UBA2: variants seen among roughly 807,000 people sequenced by gnomAD.
UBA2 encodes ubiquitin like modifier activating enzyme 2, also known as SUMO-activating enzyme subunit 2.
Under a neutral mutation model 77.2 loss-of-function variants are expected in UBA2, and 11 were observed. The ratio of observed to expected loss-of-function variants is 0.14; its 90% CI spans 0.09 to 0.24. UBA2 has a LOEUF of 0.24. UBA2 is among the 10% of genes least tolerant of loss of function. The pLI, the probability that UBA2 is intolerant of heterozygous loss-of-function variation, is 1.00. For synonymous variants in UBA2, 278 were observed against 276.7 expected (o/e 1.00, Z -0.05); for missense variants, 487 against 781.7 (o/e 0.62, Z 4.50).
intron 1 of UBA2, chr19:34,428,808 C>T (rs2075218051): frequency 1.7e-6 from 2 of 1,150,316 alleles, no homozygotes; most frequent in Non-Finnish European, 2.1e-6. Flanking sequence ...GGCCGCGGGC[C>T]CCCGCCTCCC....
At chr19:34,440,162 A>G (rs1296391773) in intron 6 of UBA2, among the ~76,000 whole-genome samples, 2 of 152,072 alleles carry the variant, frequency 1.3e-5, no homozygotes, top group Non-Finnish European at 2.9e-5. Context: ...CGTCTCTACT[A>G]TAAATACAAA....
chr19:34,451,352 C>T (rs1599916407), intron 9 of UBA2, among the ~76,000 whole-genome samples: 1 of 151,994 alleles, frequency 6.6e-6, no homozygotes, highest in Non-Finnish European at 1.5e-5. Context: ...TCTCAACAAT[C>T]AGGGATAGTT....
chr19:34,458,158 C>T (rs949219587), intron 12 of UBA2, among the ~76,000 whole-genome samples: 1 of 152,112 alleles, frequency 6.6e-6, no homozygotes, highest in Admixed American at 6.5e-5. Context: ...ATGCCTGTGC[C>T]CTTACTCTTG....
intron 5 of UBA2, among the ~76,000 whole-genome samples, chr19:34,437,150 T>G (rs117841319): frequency 6.6e-6 from 1 of 151,802 alleles, no homozygotes; most frequent in Admixed American, 6.6e-5. Context: ...TTGGTAGAGA[T>G]GAGGTTTTGC....
intron 12 of UBA2, among the ~76,000 whole-genome samples, chr19:34,458,518 G>T (rs373266979): frequency 8.2e-6 from 1 of 122,564 alleles, no homozygotes; most frequent in African/African-American, 3.2e-5. Context: ...CCGAGATTGC[G>T]CCACTGCACT....
At chr19:34,453,519 T>C (rs1191032407) in intron 10 of UBA2, among the ~76,000 whole-genome samples, 1 of 139,932 alleles carries the variant, frequency 7.1e-6, no homozygotes, top group Non-Finnish European at 1.6e-5. Flanking sequence ...TGAAACAGCT[T>C]TTTTTTTTTT....
At chr19:34,456,580 T>C (rs1447037135) in intron 12 of UBA2, among the ~76,000 whole-genome samples, 1 of 151,966 alleles carries the variant, frequency 6.6e-6, no homozygotes, top group Non-Finnish European at 1.5e-5. Context: ...TTTTTTGAGA[T>C]GGAGTCTTGC....
At chr19:34,466,750 TAA>T in intron 15 of UBA2, 126 bp from the exon 16 acceptor site, 3 of 656,176 alleles carry the variant, frequency 4.6e-6, no homozygotes, top group Non-Finnish European at 6.9e-6. Context: ...AAATAAAAAT[TAA>T]AAAAAAAATT....
At chr19:34,442,888 T>C (rs953199630) in intron 6 of UBA2, among the ~76,000 whole-genome samples, 5 of 152,196 alleles carry the variant, frequency 3.3e-5, no homozygotes, top group African/African-American at 9.6e-5. Flanking sequence ...GGAGTGACTA[T>C]CAGAGCTTTG....
rs766043321 is a variant in UBA2, at chr19:34,457,179, AATATATATAT to A, written c.1246-1564_1246-1555del. ...CCTGGTCTCTACTAAAAAAAAAAAAAATATATATATATATATATATATATATATATATATA... is the reference window on the plus strand; with the variant it reads ...CCTGGTCTCTACTAAAAAAAAAAAAAATATATATATATATATATATATATA... On this transcript the variant is annotated intron_variant, in intron 12 of 16. Transcript: ENST00000246548. Among the ~76,000 whole-genome samples the A allele has an allele frequency of 1.7e-4, 9 of 53,226 alleles. 1 individual carries two copies. Among genetic ancestry groups the A allele is most frequent in the East Asian group, 1.3e-3 (1 of 752 alleles). The allele number at this position is 53,226 out of a possible 152,430, so 34.9% of individuals were successfully genotyped here.
chr19:34,466,266 G>T (rs931162639), intron 15 of UBA2, among the ~76,000 whole-genome samples: 2 of 152,092 alleles, frequency 1.3e-5, no homozygotes, highest in Non-Finnish European at 2.9e-5. Context: ...AACCTGGGAG[G>T]TAGAGGTTGC....
intron 12 of UBA2, among the ~76,000 whole-genome samples, chr19:34,456,356 C>T (rs1199253173): frequency 1.3e-5 from 2 of 151,686 alleles, no homozygotes; most frequent in Admixed American, 6.6e-5. Context: ...TGAAGTGATC[C>T]GCCCTTCTCA....
Position 34,443,872 on chromosome 19 carries a change from C to G in UBA2, c.610C>G (p.Gln204Glu), listed in dbSNP as rs770620132. 93 of 1,611,452 alleles carry G rather than the reference C, an allele frequency of 5.8e-5. No individual in the cohort carries two copies. Among genetic ancestry groups the G allele is most frequent in the Non-Finnish European group, 7.6e-5 (90 of 1,177,870 alleles). The change falls in exon 7 of 17, where the codon CAA (glutamine) becomes GAA (glutamate). Residue 204 changes from glutamine (Q) to glutamate (E), a missense_variant. Around this residue, in one of 9 missense-constraint regions of UBA2, gnomAD observed 300 missense variants for 454.3 expected, o/e 0.66. Transcript: ENST00000246548. ...GTTGTTTGGGGAAGAAGATGCTGAT[C>G]AAGAAGTATCTCCTGACAGAGCTGA... ...NQLFGEEDAD[Q>E]EVSPDRADPE...
chr19:34,458,762 TC>T lies in UBA2; in HGVS notation c.1246-5del. On this transcript the variant is annotated splice_polypyrimidine_tract_variant and splice_region_variant and intron_variant, in intron 12 of 16. Transcript: ENST00000246548. Reference sequence around the variant, plus strand: ...TCCGATTTCTGCCTGTTATTTCTCCTCCAAAGATTTTTTTGAATAAACAACC... The same window carrying T: ...TCCGATTTCTGCCTGTTATTTCTCCTCAAAGATTTTTTTGAATAAACAACC... 6.2e-7 allele frequency: 1 copy of T among 1,607,590 alleles called. No individual in the cohort carries two copies. The highest frequency in any genetic ancestry group is 8.5e-7 in the Non-Finnish European group (1 of 1,177,682).
At chr19:34,440,824 G>A (rs536447611) in intron 6 of UBA2, among the ~76,000 whole-genome samples, 9 of 151,994 alleles carry the variant, frequency 5.9e-5, no homozygotes, top group African/African-American at 9.6e-5. Flanking sequence ...TACTTGGGAG[G>A]CTGAGGCAGG....
chr19:34,434,541 T>C (rs28418357), intron 4 of UBA2, among the ~76,000 whole-genome samples: 1 of 152,230 alleles, frequency 6.6e-6, no homozygotes, highest in African/African-American at 2.4e-5. Context: ...TATATTAGAA[T>C]AGTGGTGAGT....
intron 14 of UBA2, 42 bp downstream of exon 14, chr19:34,460,608 C>T: frequency 2.2e-6 from 3 of 1,382,242 alleles, no homozygotes; most frequent in Non-Finnish European, 3.0e-6. Context: ...ATTGAGGAGA[C>T]TGCTTGAAGA....
chr19:34,461,812 A>G (rs1035512333), intron 14 of UBA2, among the ~76,000 whole-genome samples: 8 of 140,390 alleles, frequency 5.7e-5, no homozygotes, highest in Non-Finnish European at 1.3e-4. Context: ...CGTCCAAGGA[A>G]AACTAGAAAG....
Position 34,428,419 on chromosome 19 carries a change from G to T in UBA2, c.-14G>T. 8.0e-7 allele frequency: 1 copy of T among 1,252,496 alleles called. No homozygotes were observed. The highest frequency in any genetic ancestry group is 3.0e-5 in the East Asian group (1 of 32,928). 77.6% of individuals were successfully genotyped at this position (1,252,496 alleles called of 1,614,324 possible). ...CCCGCCTCCGCCTCCGCCGCGGCTC[G>T]TGGTTGTCCCGCCATGGCACTGTCG... On this transcript the variant is annotated 5_prime_UTR_variant, in exon 1 of 17. Coordinates refer to ENST00000246548, the MANE Select transcript of UBA2 (RefSeq NM_005499.3).
Sources: gnomAD v4.1 joint callset for allele counts (sites outside exome capture counted in the v4.1 genomes callset) on GRCh38, gnomAD v4.1.1 for gene constraint, gnomAD v4.1.1 regional missense constraint, MANE v1.5 for transcripts, NCBI Gene and HGNC (gene_info 2026-07-23, HGNC 2026-07-21) for gene names.